The following GAS2 variants were observed in gnomAD, a reference collection of about 807,000 sequenced individuals.
GAS2 encodes the protein growth arrest-specific protein 2.
Under a neutral mutation model 37.5 loss-of-function variants are expected in GAS2, and 20 were observed. The ratio of observed to expected loss-of-function variants is 0.53; its 90% CI spans 0.37 to 0.77. The LOEUF is 0.77. Ranked by LOEUF, GAS2 falls within the 30% of genes least tolerant of loss-of-function variation. The probability of loss-of-function intolerance (pLI) is 0.00; values close to 1 mark genes in which losing one functional copy is unlikely to be tolerated. For synonymous variants in GAS2, 144 were observed against 132.2 expected, an observed-to-expected ratio of 1.09 and a Z score of -0.61; for missense variants, 336 against 373.4, an observed-to-expected ratio of 0.90 and a Z score of 0.82.
chr11:22,760,170 A>T (rs1419856063), intron 7 of GAS2, among the ~76,000 whole-genome samples: 1 of 151,272 alleles, frequency 6.6e-6, no homozygotes, highest in East Asian at 1.9e-4. Flanking sequence ...AAGTAGAGAC[A>T]GGAATTCATC....
intron 4 of GAS2, among the ~76,000 whole-genome samples, chr11:22,736,447 A>T (rs1280607180): frequency 6.6e-6 from 1 of 152,080 alleles, no homozygotes; most frequent in African/African-American, 2.4e-5. Context: ...ATTCAAATTT[A>T]TTTTAAAAGC....
rs534518038 is a variant in GAS2 at position 22,742,538 on chromosome 11, A to G, written c.473+4770A>G. On this transcript the variant is annotated intron_variant, in intron 5 of 7. Coordinates refer to ENST00000454584, the MANE Select transcript of GAS2 (RefSeq NM_001143830.3). ...GGAAGCCAGTGAATCGTATTTAAGT[A>G]TGCATTTCAGGACTGGCTGACTGTA... Among the ~76,000 whole-genome samples the G allele has an allele frequency of 3.9e-5, 6 of 152,232 alleles. No individual in the cohort carries two copies. The South Asian group carries it at 1.2e-3, about 32-fold the overall frequency.
intron 7 of GAS2, among the ~76,000 whole-genome samples, chr11:22,803,011 ACT>A (rs755577139): frequency 1.3e-5 from 2 of 152,032 alleles, no homozygotes; most frequent in Non-Finnish European, 2.9e-5. Flanking sequence ...GTGTAAGTAC[ACT>A]CTATGATGTT....
intron 1 of GAS2, among the ~76,000 whole-genome samples, chr11:22,653,057 T>G (rs956548077): frequency 2.0e-5 from 3 of 149,150 alleles, no homozygotes; most frequent in Non-Finnish European, 4.5e-5. Flanking sequence ...TTCTTTGCTT[T>G]CTTTCTTTTT....
chr11:22,727,584 A>G (rs1852276223), intron 4 of GAS2, among the ~76,000 whole-genome samples: 1 of 152,094 alleles, frequency 6.6e-6, no homozygotes, highest in African/African-American at 2.4e-5. Context: ...AGATGGGAAC[A>G]GCATAAATTT....
intron 3 of GAS2, among the ~76,000 whole-genome samples, chr11:22,699,381 T>C (rs773063770): frequency 5.3e-5 from 8 of 152,074 alleles, no homozygotes; most frequent in Non-Finnish European, 1.0e-4. Flanking sequence ...ACAGGTAGAT[T>C]TTTTAAATCT....
At chr11:22,709,954 T>C (rs374593702) in intron 3 of GAS2, among the ~76,000 whole-genome samples, 72 of 147,650 alleles carry the variant, frequency 4.9e-4, no homozygotes, top group African/African-American at 1.7e-3. Context: ...CACGTGGGAA[T>C]TGAACAATGA....
chr11:22,782,797 T>A (rs1214124717), intron 7 of GAS2, among the ~76,000 whole-genome samples: 1 of 148,078 alleles, frequency 6.8e-6, no homozygotes, highest in Non-Finnish European at 1.5e-5. Flanking sequence ...CCGTATAGTG[T>A]CTACGTACCA....
intron 2 of GAS2, among the ~76,000 whole-genome samples, chr11:22,678,455 G>C (rs1401544379): frequency 6.6e-6 from 1 of 151,934 alleles, no homozygotes; most frequent in Non-Finnish European, 1.5e-5. Context: ...TTATCTACTT[G>C]AAAGAGATAA....
intron 6 of GAS2, among the ~76,000 whole-genome samples, chr11:22,752,510 G>T (rs1396241115): frequency 6.6e-6 from 1 of 151,872 alleles, no homozygotes; most frequent in African/African-American, 2.4e-5. Context: ...AGCAGTTCGG[G>T]GTTGAAAATG....
chr11:22,711,143 G>A (rs1851384681), intron 3 of GAS2, among the ~76,000 whole-genome samples: 2 of 152,132 alleles, frequency 1.3e-5, no homozygotes, highest in South Asian at 4.1e-4. Flanking sequence ...AAAAAACTAT[G>A]AGTTCCCAAA....
chr11:22,747,420 T>C (rs374219608), intron 5 of GAS2, among the ~76,000 whole-genome samples: 2 of 152,132 alleles, frequency 1.3e-5, no homozygotes, highest in Non-Finnish European at 2.9e-5. Context: ...GCAAGTGATA[T>C]CTATGTAAGT....
At chr11:22,746,065 C>T (rs11026765) in intron 5 of GAS2, among the ~76,000 whole-genome samples, 2,882 of 152,148 alleles carry the variant, frequency 0.019, 99 homozygotes, top group African/African-American at 0.066. Context: ...GCCTGTAGTC[C>T]CAGCTACTCA....
chr11:22,766,343 C>G (rs1401811833), intron 7 of GAS2, among the ~76,000 whole-genome samples: 2 of 151,334 alleles, frequency 1.3e-5, no homozygotes, highest in African/African-American at 4.9e-5. Flanking sequence ...AATTGCTTGT[C>G]AGAGATTACA....
rs372904474 is a variant in GAS2, at chr11:22,708,179, A to G, written c.268-18113A>G. 4.6e-5 allele frequency among the ~76,000 whole-genome samples: 7 copies of G among 152,318 alleles called. No homozygotes were observed. The East Asian group carries it at 7.7e-4, about 17-fold the overall frequency. ...CAATATGATGATTAGGGGACAGAAC[A>G]AAAGAAGGAAATTCTGTTTTTGTGG... On this transcript the variant is annotated intron_variant, in intron 3 of 7. Coordinates refer to ENST00000454584, the MANE Select transcript of GAS2 (RefSeq NM_001143830.3).
upstream of GAS2, among the ~76,000 whole-genome samples, chr11:22,662,926 C>G (rs1038173932): frequency 6.6e-6 from 1 of 152,088 alleles, no homozygotes; most frequent in African/African-American, 2.4e-5. Context: ...CAGTTGGTGG[C>G]TGTGTTAGTC....
At chr11:22,657,040 T>A (rs773017670) in intron 1 of GAS2, among the ~76,000 whole-genome samples, 2 of 152,134 alleles carry the variant, frequency 1.3e-5, no homozygotes, top group Non-Finnish European at 2.9e-5. Flanking sequence ...GACAGTGAAG[T>A]AGAAAGAATC....
At chr11:22,769,858 G>A (rs913882870) in intron 7 of GAS2, among the ~76,000 whole-genome samples, 32 of 152,198 alleles carry the variant, frequency 2.1e-4, no homozygotes, top group African/African-American at 7.7e-4. Flanking sequence ...GTAGAAAAGA[G>A]TGTCTCCTGT....
At chr11:22,762,448 A>G (rs1854443444) in intron 7 of GAS2, among the ~76,000 whole-genome samples, 2 of 152,268 alleles carry the variant, frequency 1.3e-5, no homozygotes, top group South Asian at 2.1e-4. Flanking sequence ...AAAATAAGTA[A>G]AAGTCAAAGC....
Sources: allele counts gnomAD v4.1 joint callset (sites outside exome capture counted in the v4.1 genomes callset), GRCh38; gene constraint gnomAD v4.1.1; transcripts MANE v1.5; gene names NCBI Gene and HGNC (gene_info 2026-07-23, HGNC 2026-07-21).